The following DCLK1 variants were observed in gnomAD, a reference collection of about 807,000 sequenced individuals.
DCLK1 encodes the protein doublecortin like kinase 1.
Under a neutral mutation model 86.2 loss-of-function variants are expected in DCLK1, and 16 were observed. The ratio of observed to expected loss-of-function variants is 0.19; its 90% CI spans 0.13 to 0.28. DCLK1 has a LOEUF of 0.28. Among genes scored for constraint, DCLK1 ranks in the 10% least tolerant of loss-of-function variants. DCLK1 has a pLI of 1.00. For synonymous variants in DCLK1, 369 were observed against 370.5 expected, an observed-to-expected ratio of 1.00 and a Z score of 0.05; for missense variants, 590 against 940.2, an observed-to-expected ratio of 0.63 and a Z score of 4.87.
intron 16 of DCLK1, among the ~76,000 whole-genome samples, chr13:35,784,308 T>C (rs534179307): frequency 2.3e-4 from 35 of 152,340 alleles, no homozygotes; most frequent in African/African-American, 7.2e-4. Context: ...TCATTTTTAG[T>C]AATAAGTAAG....
chr13:35,913,380 CT>C (rs1875166897), intron 4 of DCLK1, among the ~76,000 whole-genome samples: 1 of 151,930 alleles, frequency 6.6e-6, no homozygotes, highest in Non-Finnish European at 1.5e-5. Context: ...ATACCCAGTG[CT>C]CTTGACTTCA....
intron 4 of DCLK1, among the ~76,000 whole-genome samples, chr13:35,895,730 T>G (rs1873927443): frequency 7.5e-6 from 1 of 132,478 alleles, no homozygotes; most frequent in South Asian, 2.6e-4. Context: ...TAACTCAGTG[T>G]TCATATACTA....
chr13:35,943,039 G>A (rs191997630), intron 4 of DCLK1, among the ~76,000 whole-genome samples: 5 of 152,256 alleles, frequency 3.3e-5, no homozygotes, highest in East Asian at 1.9e-4. Context: ...GTTCCAGTCC[G>A]AATCCTGGTA....
chr13:35,918,952 G>A (rs1875615625), intron 4 of DCLK1, among the ~76,000 whole-genome samples: 1 of 126,512 alleles, frequency 7.9e-6, no homozygotes, highest in Non-Finnish European at 1.6e-5. Context: ...CCAGGCTGGA[G>A]TGCAGTGGTG....
chr13:35,900,020 A>G (rs1874255014), intron 4 of DCLK1, among the ~76,000 whole-genome samples: 1 of 152,184 alleles, frequency 6.6e-6, no homozygotes, highest in Admixed American at 6.5e-5. Flanking sequence ...TATATTTACT[A>G]AGTATTTTCT....
intron 3 of DCLK1, among the ~76,000 whole-genome samples, chr13:35,997,081 C>T (rs1171847753): frequency 3.9e-5 from 6 of 152,126 alleles, no homozygotes; most frequent in Non-Finnish European, 4.4e-5. Context: ...TGGAAAAAGC[C>T]AATTAGTTTC....
chr13:35,786,883 T>C (rs916884453), intron 16 of DCLK1, among the ~76,000 whole-genome samples: 1 of 152,168 alleles, frequency 6.6e-6, no homozygotes, highest in Non-Finnish European at 1.5e-5. Context: ...TAGCCTTCTA[T>C]GTCAAAATGA....
intron 5 of DCLK1, among the ~76,000 whole-genome samples, chr13:35,869,309 C>T (rs1872093147): frequency 6.6e-6 from 1 of 152,164 alleles, no homozygotes; most frequent in South Asian, 2.1e-4. Flanking sequence ...TCCCTGACAT[C>T]CTGGGGAAGG....
chr13:35,824,495 C>T (rs1404843028), intron 10 of DCLK1, among the ~76,000 whole-genome samples: 1 of 152,048 alleles, frequency 6.6e-6, no homozygotes, highest in African/African-American at 2.4e-5. Context: ...CTTCTTTGTC[C>T]TCAACAATGC....
chr13:36,100,179 C>CAAAAAAAAAAAAAAAAA (rs58824322), intron 3 of DCLK1, among the ~76,000 whole-genome samples: 3 of 37,686 alleles, frequency 8.0e-5, no homozygotes, highest in Non-Finnish European at 8.6e-5. Flanking sequence ...CCTGTCTCTA[C>CAAAAAAAAAAAAAAAAA]AAAAAAAAAA....
rs757007588 is a variant in DCLK1, at chr13:35,774,635, C to T, written c.2123G>A (p.Arg708Gln). The change falls in exon 17 of 17, where the codon CGG becomes CAG. Residue 708 changes from arginine to glutamine, a missense_variant. Arg to Gln is a conservative substitution (Grantham distance 43). Transcript: ENST00000360631. The stretch of plus-strand genomic sequence containing the variant: ...GGGAGGAGCTGGCTGCGCCTTGTAC[C>T]GGCTCCTCACATCCTGGTTGCGTCT... ...RRRRNQDVRS[R>Q]YKAQPAPPEL... The T allele has an allele frequency of 1.1e-5, 17 of 1,607,380 alleles. No individual in the cohort carries two copies. The highest frequency in any genetic ancestry group is 1.4e-5 in the Non-Finnish European group (16 of 1,177,012).
rs7331593 is a variant in DCLK1, at chr13:35,774,826, C to T, written c.2059-127G>A. On this transcript the variant is annotated intron_variant, in intron 16 of 16. Transcript: ENST00000360631. The stretch of plus-strand genomic sequence containing the variant: ...AAGTTCACCTGTCCATCATGGCACA[C>T]TTTTTGTTGACAGTCACCACTCTCA... 9.6e-3 allele frequency: 10,462 copies of T among 1,089,186 alleles called. 732 individuals carry two copies. In the African/African-American group the frequency reaches 0.15, roughly 15 times the overall value. 67.5% of individuals were successfully genotyped at this position (1,089,186 alleles called of 1,614,324 possible).
In DCLK1 at chr13:35,840,465, C is replaced by T. The variant is rs1869712766; in HGVS notation, c.1036-1289G>A. 2.0e-5 allele frequency among the ~76,000 whole-genome samples: 3 copies of T among 152,160 alleles called. No individual in the cohort carries two copies. In the South Asian group the frequency reaches 6.2e-4, roughly 32 times the overall value. On this transcript the variant is annotated intron_variant, in intron 6 of 16. Coordinates refer to ENST00000360631, the MANE Select transcript of DCLK1 (RefSeq NM_001330071.2). ...CCCATTGGTCAGGTTCATCAAAGCT[C>T]ACAGTTGACACCATTGGGATGAAAG...
At chr13:36,124,732 A>G (rs2138217816) in intron 2 of DCLK1, among the ~76,000 whole-genome samples, 2 of 152,196 alleles carry the variant, frequency 1.3e-5, no homozygotes, top group Admixed American at 1.3e-4. Context: ...GTAAAAATGA[A>G]CTCAAGGTGA....
chr13:36,092,449 GC>G (rs1283995468), intron 3 of DCLK1, among the ~76,000 whole-genome samples: 1 of 150,144 alleles, frequency 6.7e-6, no homozygotes, highest in East Asian at 1.9e-4. Context: ...CTACCCTGCT[GC>G]CCAAGGCATG....
At chr13:35,833,772 G>C (rs1869146757) in intron 8 of DCLK1, among the ~76,000 whole-genome samples, 2 of 152,090 alleles carry the variant, frequency 1.3e-5, no homozygotes, top group Admixed American at 1.3e-4. Flanking sequence ...TATTTTCTTG[G>C]ACCTCTGGAA....
chr13:36,035,541 T>C (rs1448112667), intron 3 of DCLK1, among the ~76,000 whole-genome samples: 11 of 152,298 alleles, frequency 7.2e-5, no homozygotes, highest in East Asian at 1.9e-4. Context: ...TCTGTGCTTA[T>C]GTAATTTTTC....
At chr13:35,993,580 TCA>T (rs1238586498) in intron 3 of DCLK1, among the ~76,000 whole-genome samples, 2 of 151,172 alleles carry the variant, frequency 1.3e-5, no homozygotes, top group Non-Finnish European at 3.0e-5. Context: ...CCTCTCATCC[TCA>T]GTTTCCGCAT....
chr13:35,928,701 C>T (rs1876260917), intron 4 of DCLK1, among the ~76,000 whole-genome samples: 1 of 152,152 alleles, frequency 6.6e-6, no homozygotes, highest in Admixed American at 6.5e-5. Flanking sequence ...GCAGTGCCTG[C>T]CCATTGTAGA....
Sources: gnomAD v4.1 joint callset for allele counts (sites outside exome capture counted in the v4.1 genomes callset) on GRCh38, gnomAD v4.1.1 for gene constraint, MANE v1.5 for transcripts, NCBI Gene and HGNC (gene_info 2026-07-23, HGNC 2026-07-21) for gene names.